Variants in ACACA observed in about 807,000 individuals in gnomAD.
ACACA encodes acetyl-CoA carboxylase alpha.
Under a neutral mutation model 296.1 loss-of-function variants are expected in ACACA, and 103 were observed. The ratio of observed to expected loss-of-function variants is 0.35; its 90% confidence interval spans 0.30 to 0.41. The LOEUF is 0.41. Among genes scored for constraint, ACACA ranks in the 10% least tolerant of loss-of-function variants. ACACA has a pLI of 1.00. For missense variants in ACACA, 1,554 were observed against 2,989.7 expected (o/e 0.52, Z 11.20); for synonymous variants, 953 against 1,038.6 (o/e 0.92, Z 1.58).
At chr17:37,142,164 C>G (rs2075616811) in intron 45 of ACACA, among the ~76,000 whole-genome samples, 1 of 152,096 alleles carries the variant, frequency 6.6e-6, no homozygotes, top group African/African-American at 2.4e-5. Flanking sequence ...TGGACTGGTA[C>G]TTGCTGTAGG....
At chr17:37,159,499 C>T (rs1346886361) in intron 42 of ACACA, among the ~76,000 whole-genome samples, 1 of 152,168 alleles carries the variant, frequency 6.6e-6, no homozygotes, top group African/African-American at 2.4e-5. Context: ...TGGGTTACTG[C>T]AACCAGCCAA....
intron 8 of ACACA, among the ~76,000 whole-genome samples, chr17:37,275,173 C>G (rs556734457): frequency 6.6e-6 from 1 of 152,246 alleles, no homozygotes; most frequent in South Asian, 2.1e-4. Context: ...ACAGTCAAAT[C>G]AAATCATCAA....
intron 3 of ACACA, among the ~76,000 whole-genome samples, chr17:37,293,643 A>G (rs1356830782): frequency 1.3e-5 from 2 of 151,266 alleles, no homozygotes; most frequent in South Asian, 2.1e-4. Context: ...CCCAGGTTCA[A>G]GCAATTCTCC....
At chr17:37,115,962 C>T (rs2074227445) in intron 50 of ACACA, among the ~76,000 whole-genome samples, 1 of 151,966 alleles carries the variant, frequency 6.6e-6, no homozygotes, top group Non-Finnish European at 1.5e-5. Context: ...CCCTAATGTC[C>T]ACATTCTACT....
At chr17:37,123,942 T>C (rs2143101529) in intron 48 of ACACA, among the ~76,000 whole-genome samples, 1 of 152,322 alleles carries the variant, frequency 6.6e-6, no homozygotes, top group African/African-American at 2.4e-5. Context: ...CAACTTCTGT[T>C]TTCTATTATA....
At chr17:37,231,722 C>T (rs1394022595) in intron 25 of ACACA, among the ~76,000 whole-genome samples, 1 of 152,190 alleles carries the variant, frequency 6.6e-6, no homozygotes. Context: ...GAGGGGAAGA[C>T]TACTTACCAT....
chr17:37,293,945 A>G (rs2083204642), intron 3 of ACACA, among the ~76,000 whole-genome samples: 2 of 152,244 alleles, frequency 1.3e-5, no homozygotes. Context: ...ATAAACAGAG[A>G]TATCAGACAC....
intron 2 of ACACA, among the ~76,000 whole-genome samples, chr17:37,336,406 C>G (rs918071118): frequency 6.6e-5 from 10 of 152,194 alleles, no homozygotes; most frequent in African/African-American, 2.4e-4. Flanking sequence ...ATCCCTAAGA[C>G]TAGCTGGGAA....
At chr17:37,241,886 G>T in intron 23 of ACACA, 67 bp downstream of exon 23, 1 of 1,348,684 alleles carries the variant, frequency 7.4e-7, no homozygotes, top group South Asian at 1.2e-5. Context: ...ATTTTTTTGT[G>T]ACCACTTGAA....
chr17:37,288,271 T>C (rs1030016130), intron 3 of ACACA, among the ~76,000 whole-genome samples: 4 of 152,224 alleles, frequency 2.6e-5, no homozygotes, highest in Non-Finnish European at 4.4e-5. Flanking sequence ...AAAAATTACC[T>C]TCCTGTCCTT....
At chr17:37,090,732 G>A (rs910427575) in intron 54 of ACACA, among the ~76,000 whole-genome samples, 1 of 152,078 alleles carries the variant, frequency 6.6e-6, no homozygotes, top group Non-Finnish European at 1.5e-5. Context: ...CTTGCTGCAC[G>A]CCCCACATAT....
Position 37,246,849 on chromosome 17 carries a change from C to T in ACACA, c.2437G>A (p.Gly813Ser), listed in dbSNP as rs773736054. 14 of 1,613,980 alleles carry T rather than the reference C, an allele frequency of 8.7e-6. No homozygotes were observed. Among genetic ancestry groups the T allele is most frequent in the South Asian group, 7.7e-5 (7 of 91,078 alleles). ...ACCTCAATCTCAGCATAGCACTGGC[C>T]GGCAAACACATGACCTCCATCTTCT... ...IVEDGGHVFA[G>S]QCYAEIEVMK... Residue 813 changes from glycine to serine, a missense_variant, in exon 19 of 56, where the codon GGC becomes AGC. Physicochemically the swap from Gly to Ser is moderately conservative, Grantham distance 56. Coordinates refer to ENST00000616317, the MANE Select transcript of ACACA (RefSeq NM_198834.3).
At position 37,087,169 on chromosome 17, in the gene ACACA, T is replaced by C. The variant is rs1366010655; in HGVS notation, c.*147A>G. ...TGTGATCTTACATCCCAGGATGTCA[T>C]GCATAACCTGAAACGAGAGGAAGTA... On this transcript the variant is annotated 3_prime_UTR_variant, in exon 56 of 56. Transcript: ENST00000616317. 5 of 1,094,190 alleles carry C rather than the reference T, an allele frequency of 4.6e-6. No individual in the cohort carries two copies. In the East Asian group the frequency reaches 1.0e-4, roughly 22 times the overall value. The allele number at this position is 1,094,190 out of a possible 1,614,324, so 67.8% of individuals were successfully genotyped here.
At position 37,128,669 on chromosome 17, in the gene ACACA, C is replaced by T. The variant is rs2074943810; in HGVS notation, c.5944+696G>A. Among the ~76,000 whole-genome samples, 4 of 152,298 alleles carry T rather than the reference C, an allele frequency of 2.6e-5. No individual in the cohort carries two copies. The South Asian group carries it at 8.3e-4, about 32-fold the overall frequency. ...ATGGACTGACAAATGAGAATGTACA[C>T]AGAGTTACTTCTTTTTCCTGTTTTG... On this transcript the variant is annotated intron_variant, in intron 47 of 55. Transcript: ENST00000616317.
At chr17:37,274,725 G>T (rs1039073022) in intron 8 of ACACA, 1 of 951,028 alleles carries the variant, frequency 1.1e-6, no homozygotes, top group Non-Finnish European at 1.3e-6. Flanking sequence ...ATTGGCCTCA[G>T]CAGAGTCATG....
At chr17:37,194,620 A>G (rs1469906666) in intron 35 of ACACA, among the ~76,000 whole-genome samples, 1 of 152,202 alleles carries the variant, frequency 6.6e-6, no homozygotes, top group Non-Finnish European at 1.5e-5. Context: ...ACAGAAATTA[A>G]GACTTTAAAT....
rs1384333310 is a variant in ACACA, at chr17:37,301,464, G to A, written c.339-16494C>T. The stretch of plus-strand genomic sequence containing the variant: ...CCAAGGATGACGTAGCAGTTTACCC[G>A]GCAGACAGTGATGCATTCGCTAGCT... On this transcript the variant is annotated intron_variant, in intron 3 of 55. Coordinates refer to ENST00000616317, the MANE Select transcript of ACACA (RefSeq NM_198834.3). 19 of 929,168 alleles carry A rather than the reference G, an allele frequency of 2.0e-5. 1 individual carries two copies. In the South Asian group the frequency reaches 6.5e-4, roughly 32 times the overall value. 57.6% of individuals were successfully genotyped at this position (929,168 alleles called of 1,614,324 possible). A position where few individuals can be genotyped will look rare whatever the true frequency, so the allele number is the denominator to read the frequency against.
intron 1 of ACACA, among the ~76,000 whole-genome samples, chr17:37,347,768 G>GA (rs1377975711): frequency 7.0e-6 from 1 of 141,906 alleles, no homozygotes; most frequent in Non-Finnish European, 1.5e-5. Flanking sequence ...AAGAAAGAAA[G>GA]AAAAAAAATT....
At chr17:37,388,183 G>A (rs1026896803) in intron 1 of ACACA, among the ~76,000 whole-genome samples, 1 of 151,948 alleles carries the variant, frequency 6.6e-6, no homozygotes, top group East Asian at 1.9e-4. Context: ...GCCATTTGCC[G>A]CCAGATTGAG....
Sources: gnomAD v4.1 joint callset for allele counts (sites outside exome capture counted in the v4.1 genomes callset) on GRCh38, gnomAD v4.1.1 for gene constraint, MANE v1.5 for transcripts, NCBI Gene and HGNC (gene_info 2026-07-23, HGNC 2026-07-21) for gene names.